CELSR1: variants seen among roughly 807,000 people sequenced by gnomAD.
CELSR1 encodes adhesion G protein-coupled receptor C1.
Under a neutral mutation model 249.1 loss-of-function variants are expected in CELSR1, and 110 were observed. The observed-to-expected ratio is 0.44, with a 90% CI of 0.38 to 0.52. The LOEUF (loss-of-function observed/expected upper bound fraction) is 0.52, where lower values mean the gene tolerates loss of function less well. Ranked by LOEUF, CELSR1 falls within the 20% of genes least tolerant of loss-of-function variation. CELSR1 has a pLI of 0.00. For missense variants in CELSR1, 4,109 were observed against 4,296.4 expected (o/e 0.96, Z 1.22); for synonymous variants, 2,113 against 1,900.0 (o/e 1.11, Z -2.92).
intron 5 of CELSR1, among the ~76,000 whole-genome samples, chr22:46,421,463 G>A (rs950290919): frequency 6.6e-6 from 1 of 152,178 alleles, no homozygotes; most frequent in Non-Finnish European, 1.5e-5. Flanking sequence ...GGGTGGGGCG[G>A]CGCTTGCCTC....
At position 46,401,947 on chromosome 22, in the gene CELSR1, G is replaced by A. The variant is rs1473673937; in HGVS notation, c.5227-2045C>T. On this transcript the variant is annotated intron_variant, in intron 9 of 34. Transcript: ENST00000674500. This position sits in a 1 kb window ranked among gnomAD's most constrained non-coding sequence, Gnocchi z 4.7. ...ACTAAAAATACAAAAAATTAGCTGG[G>A]CGTGGTGGCAGGTGCCTGTAGTTCC... 6.6e-6 allele frequency among the ~76,000 whole-genome samples: 1 copy of A among 152,072 alleles called. No individual in the cohort carries two copies. The highest frequency in any genetic ancestry group is 1.5e-5 in the Non-Finnish European group (1 of 68,030).
intron 1 of CELSR1, among the ~76,000 whole-genome samples, chr22:46,475,410 C>A (rs905375689): frequency 5.3e-5 from 8 of 151,982 alleles, no homozygotes; most frequent in Admixed American, 1.3e-4. Flanking sequence ...CGAGAGGTCC[C>A]GAGAACAGTC....
At chr22:46,444,168 C>T (rs961605608) in intron 2 of CELSR1, among the ~76,000 whole-genome samples, 8 of 152,232 alleles carry the variant, frequency 5.3e-5, no homozygotes, top group African/African-American at 9.6e-5. Context: ...TGCTCCGGGT[C>T]GGAACTCACT....
At position 46,406,995 on chromosome 22, in the gene CELSR1, C is replaced by T. The variant is rs566346498; in HGVS notation, c.5226+2001G>A. 9.9e-5 allele frequency among the ~76,000 whole-genome samples: 15 copies of T among 152,282 alleles called. No individual in the cohort carries two copies. Among genetic ancestry groups the T allele is most frequent in the African/African-American group, 1.4e-4 (6 of 41,544 alleles). On this transcript the variant is annotated intron_variant, in intron 9 of 34. Transcript: ENST00000674500. This position sits in a 1 kb window ranked among gnomAD's most constrained non-coding sequence, Gnocchi z 5.4. ...GCCGCTTTGGGAGGGACTTCCTGAC[C>T]GCAGGAGCGGGGAGGGGGGGTCATC...
At chr22:46,478,883 G>C (rs552175398) in intron 1 of CELSR1, among the ~76,000 whole-genome samples, 1 of 151,852 alleles carries the variant, frequency 6.6e-6, no homozygotes, top group Non-Finnish European at 1.5e-5. Context: ...ACACAGCAAC[G>C]AGCCCAACCC....
chr22:46,431,374 T>C (rs1171700318), intron 5 of CELSR1, among the ~76,000 whole-genome samples: 2 of 152,218 alleles, frequency 1.3e-5, no homozygotes, highest in Non-Finnish European at 2.9e-5. Context: ...CAGATGATGA[T>C]TCTGGAGTGT....
intron 1 of CELSR1, among the ~76,000 whole-genome samples, chr22:46,474,788 C>CTTTTTTTTTT (rs55932520): frequency 0.015 from 1,356 of 89,576 alleles, 43 homozygotes; most frequent in East Asian, 0.02. Context: ...CTCTCTACTT[C>CTTTTTTTTTT]TTTTTTTTTT....
At position 46,473,167 on chromosome 22, in the gene CELSR1, A is replaced by G. The variant is rs1300082827; in HGVS notation, c.3545-8822T>C. Among the ~76,000 whole-genome samples, 1 of 152,030 alleles carries G rather than the reference A, an allele frequency of 6.6e-6. No homozygotes were observed. Among genetic ancestry groups the G allele is most frequent in the East Asian group, 1.9e-4 (1 of 5,178 alleles). On this transcript the variant is annotated intron_variant, in intron 1 of 34. Coordinates refer to ENST00000674500, the MANE Select transcript of CELSR1 (RefSeq NM_001378328.1). This position sits in a 1 kb window ranked among gnomAD's most constrained non-coding sequence, Gnocchi z 6.6. ...AGGAGAAATGTCCGCAGAGGGGTGG[A>G]CAGGACCCACGCACCACGAGGAACC...
Position 46,471,932 on chromosome 22 carries a change from TC to T in CELSR1, c.3545-7588del, listed in dbSNP as rs1277900551. 6.6e-6 allele frequency among the ~76,000 whole-genome samples: 1 copy of T among 152,060 alleles called. No individual in the cohort carries two copies. The highest frequency in any genetic ancestry group is 1.5e-5 in the Non-Finnish European group (1 of 68,020). On this transcript the variant is annotated intron_variant, in intron 1 of 34. Coordinates refer to ENST00000674500, the MANE Select transcript of CELSR1 (RefSeq NM_001378328.1). This position sits in a 1 kb window ranked among gnomAD's most constrained non-coding sequence, Gnocchi z 4.9. ...GATGACGACTTTCTGCCTCACGCTG[TC>T]CCCCGTGGTTTCATTTCTGTGTGTG...
At chr22:46,509,410 C>T (rs1475477144) in intron 1 of CELSR1, among the ~76,000 whole-genome samples, 3 of 152,186 alleles carry the variant, frequency 2.0e-5, no homozygotes, top group African/African-American at 4.8e-5. Context: ...CTGGGACCCA[C>T]AGGCTACTGT....
intron 2 of CELSR1, among the ~76,000 whole-genome samples, 154 bp from the exon 3 acceptor site, chr22:46,439,565 G>A (rs186424655): frequency 6.6e-6 from 1 of 152,330 alleles, no homozygotes; most frequent in East Asian, 1.9e-4. Flanking sequence ...GACATGAACA[G>A]AAACCCCTGA....
In CELSR1 at chr22:46,413,979, C is replaced by T. The variant is rs1204210183; in HGVS notation, c.4612-2220G>A. On this transcript the variant is annotated intron_variant, in intron 5 of 34. Transcript: ENST00000674500. The surrounding 1 kb of genome is among the most constrained non-coding windows in gnomAD (Gnocchi z 4.7). The stretch of plus-strand genomic sequence containing the variant: ...CTGGGAAGGCTTTCATGACATTAAG[C>T]TACTGTTTACAAAACTGCAGTTGCT... 6.6e-6 allele frequency among the ~76,000 whole-genome samples: 1 copy of T among 152,186 alleles called. No individual in the cohort carries two copies. The highest frequency in any genetic ancestry group is 1.5e-5 in the Non-Finnish European group (1 of 68,036).
Position 46,536,379 on chromosome 22 carries a change from G to C in CELSR1, c.792C>G (p.Ile264Met), listed in dbSNP as rs772358102. 5 of 1,612,168 alleles carry C rather than the reference G, an allele frequency of 3.1e-6. No homozygotes were observed. Among genetic ancestry groups the C allele is most frequent in the African/African-American group, 2.7e-5 (2 of 74,942 alleles). Residue 264 changes from isoleucine to methionine, a missense_variant, in exon 1 of 35, where the codon ATC becomes ATG. Physicochemically the swap from Ile to Met is conservative, Grantham distance 10 (BLOSUM62 1). Around this residue, in one of 7 missense-constraint regions of CELSR1, gnomAD observed 673 missense variants for 636.8 expected, o/e 1.06. Coordinates refer to ENST00000674500, the MANE Select transcript of CELSR1 (RefSeq NM_001378328.1). Reference protein sequence around the residue: ...LFENEPAGTLILQLHAHYTIE... With the variant: ...LFENEPAGTLMLQLHAHYTIE... ...TGGTGTAGTGCGCGTGCAGCTGGAGGATGAGGGTGCCCGCCGGTTCGTTCT... is the reference window on the plus strand; with the variant it reads ...TGGTGTAGTGCGCGTGCAGCTGGAGCATGAGGGTGCCCGCCGGTTCGTTCT...
chr22:46,450,607 G>A (rs1373293717), intron 2 of CELSR1, among the ~76,000 whole-genome samples: 1 of 152,246 alleles, frequency 6.6e-6, no homozygotes, highest in Admixed American at 6.5e-5. Flanking sequence ...GCCTGCATCT[G>A]CCTTAATGTC....
intron 19 of CELSR1, 99 bp downstream of exon 19, chr22:46,386,303 G>A: frequency 8.4e-6 from 11 of 1,310,004 alleles, no homozygotes; most frequent in African/African-American, 1.5e-5. Context: ...TGGCCAAGGG[G>A]GGGCCGGGAG....
In CELSR1 at chr22:46,423,880, G is replaced by A. The variant is rs1277644155; in HGVS notation, c.4611+9513C>T. ...ATCCCAGCTACTTGGGAGGCTGAGG[G>A]CAGGAGAATGGCTTGAACTCAGGAG... On this transcript the variant is annotated intron_variant, in intron 5 of 34. Transcript: ENST00000674500. This position sits in a 1 kb window ranked among gnomAD's most constrained non-coding sequence, Gnocchi z 5.6. Among the ~76,000 whole-genome samples the A allele has an allele frequency of 6.6e-6, 1 of 151,994 alleles. No individual in the cohort carries two copies. Among genetic ancestry groups the A allele is most frequent in the Non-Finnish European group, 1.5e-5 (1 of 68,010 alleles).
Position 46,363,150 on chromosome 22 carries a change from G to A in CELSR1, c.*73C>T, listed in dbSNP as rs373247593. The A allele has an allele frequency of 2.0e-5, 32 of 1,613,694 alleles. No homozygotes were observed. The highest frequency in any genetic ancestry group is 1.7e-4 in the Middle Eastern group (1 of 6,040). Reference sequence around the variant, plus strand: ...GGCTCCAAGGTCTGAGGGTGATGCCGCAGCCTGTGTGGGGTGACGGGCTTG... The same window carrying A: ...GGCTCCAAGGTCTGAGGGTGATGCCACAGCCTGTGTGGGGTGACGGGCTTG... On this transcript the variant is annotated 3_prime_UTR_variant, in exon 35 of 35. Coordinates refer to ENST00000674500, the MANE Select transcript of CELSR1 (RefSeq NM_001378328.1). The surrounding 1 kb of genome is among the most constrained non-coding windows in gnomAD (Gnocchi z 4.3).
chr22:46,477,378 G>A (rs2080219684), intron 1 of CELSR1, among the ~76,000 whole-genome samples: 1 of 152,344 alleles, frequency 6.6e-6, no homozygotes, highest in Admixed American at 6.5e-5. Context: ...AGAACAATCT[G>A]AAGGCATTCG....
chr22:46,365,389 G>T lies in CELSR1; in HGVS notation c.8405-9C>A. 1 of 1,612,312 alleles carries T rather than the reference G, an allele frequency of 6.2e-7. No individual in the cohort carries two copies. Among genetic ancestry groups the T allele is most frequent in the African/African-American group, 1.3e-5 (1 of 75,074 alleles). On this transcript the variant is annotated splice_polypyrimidine_tract_variant and intron_variant, in intron 31 of 34. Transcript: ENST00000674500. ...TGAGTCGGAATCGTGGCCTGTGGAT[G>T]CGCGGGGGACAGGGAGGCTCAGGCC...
Sources: allele counts gnomAD v4.1 joint callset (sites outside exome capture counted in the v4.1 genomes callset), GRCh38; gene constraint gnomAD v4.1.1; regional missense constraint gnomAD v4.1.1; non-coding constraint Gnocchi (gnomAD v3.1); transcripts MANE v1.5; gene names NCBI Gene and HGNC (gene_info 2026-07-23, HGNC 2026-07-21).